Variants in INTS6L observed in about 807,000 individuals in gnomAD.
INTS6L encodes the protein integrator complex subunit 6 like.
A neutral mutation model predicts 64.7 loss-of-function variants in INTS6L; 18 were observed. The ratio of observed to expected loss-of-function variants is 0.28; its 90% CI spans 0.19 to 0.41. INTS6L has a LOEUF of 0.41. INTS6L is among the 10% of genes least tolerant of loss of function. The probability of loss-of-function intolerance (pLI) is 1.00; values close to 1 mark genes in which losing one functional copy is unlikely to be tolerated. For synonymous variants in INTS6L, 227 were observed against 235.9 expected (o/e 0.96, Z 0.34); for missense variants, 533 against 661.0 (o/e 0.81, Z 2.12).
At position 135,581,659 on chromosome X, in the gene INTS6L, A is replaced by G. The variant is rs191722023; in HGVS notation, c.*23A>G. On this transcript the variant is annotated 3_prime_UTR_variant, in exon 18 of 18. Transcript: ENST00000639893. Reference sequence around the variant, plus strand: ...TAGTGCAAAGACCAGTGAGAAAAAAATGACAAGTTTTCTGTGCTGTAGGAT... The same window carrying G: ...TAGTGCAAAGACCAGTGAGAAAAAAGTGACAAGTTTTCTGTGCTGTAGGAT... 2 of 1,155,027 alleles carry G rather than the reference A, an allele frequency of 1.7e-6. No homozygotes were observed. Among genetic ancestry groups the G allele is most frequent in the Admixed American group, 2.2e-5 (1 of 45,489 alleles).
chrX:135,543,385 A>T (rs974198042), intron 2 of INTS6L, among the ~76,000 whole-genome samples: 16 of 110,730 alleles, frequency 1.4e-4, no homozygotes, highest in Admixed American at 3.8e-4. Context: ...CTATCCTTTT[A>T]TCTGTTCTCT....
At chrX:135,573,701 G>T (rs1277356351) in intron 12 of INTS6L, among the ~76,000 whole-genome samples, 2 of 112,281 alleles carry the variant, frequency 1.8e-5, no homozygotes, top group Non-Finnish European at 3.8e-5. Flanking sequence ...TCAATCTCGG[G>T]ATTTGGTGTT....
intron 2 of INTS6L, among the ~76,000 whole-genome samples, chrX:135,532,119 A>G (rs782594781): frequency 1.2e-4 from 14 of 112,338 alleles, no homozygotes; most frequent in Non-Finnish European, 2.3e-4. Context: ...AGTTGCCTGG[A>G]GGCACTGCTG....
intron 2 of INTS6L, among the ~76,000 whole-genome samples, chrX:135,530,461 T>C (rs1017825653): frequency 8.9e-6 from 1 of 111,890 alleles, no homozygotes; most frequent in Non-Finnish European, 1.9e-5. Flanking sequence ...GGCTATTTAT[T>C]AATAATAGCC....
chrX:135,538,145 A>G (rs2086103994), intron 2 of INTS6L, among the ~76,000 whole-genome samples: 1 of 112,315 alleles, frequency 8.9e-6, no homozygotes, highest in Admixed American at 9.4e-5. Flanking sequence ...TTTTCTCTGA[A>G]GCATGCAGTG....
chrX:135,528,828 G>T, intron 2 of INTS6L, among the ~76,000 whole-genome samples: 1 of 106,838 alleles, frequency 9.4e-6, no homozygotes, highest in Non-Finnish European at 1.9e-5. Flanking sequence ...TGTTTCTGAA[G>T]GAGGATCCTT....
At chrX:135,542,908 C>G (rs1471039502) in intron 2 of INTS6L, among the ~76,000 whole-genome samples, 1 of 111,983 alleles carries the variant, frequency 8.9e-6, no homozygotes, top group Non-Finnish European at 1.9e-5. Flanking sequence ...CCACCATTTA[C>G]AAGTTTGCCA....
chrX:135,558,819 T>C (rs2086709700), intron 9 of INTS6L, among the ~76,000 whole-genome samples: 1 of 104,022 alleles, frequency 9.6e-6, no homozygotes. Flanking sequence ...AGAGTGTCTC[T>C]CTGTCACCCA....
chrX:135,535,956 A>T (rs1178823969), intron 2 of INTS6L, among the ~76,000 whole-genome samples: 3 of 112,535 alleles, frequency 2.7e-5, no homozygotes, highest in Admixed American at 1.9e-4. Context: ...GGAAAGCAAC[A>T]TGCATTGGCT....
chrX:135,531,914 G>A (rs1281347981), intron 2 of INTS6L, among the ~76,000 whole-genome samples: 8 of 111,797 alleles, frequency 7.2e-5, no homozygotes, highest in African/African-American at 9.8e-5. Flanking sequence ...AAGGCCTGGG[G>A]GAGGAGAGGA....
In INTS6L at chrX:135,545,504, G is replaced by C; in HGVS notation, c.271G>C (p.Ala91Pro). 8.3e-7 allele frequency: 1 copy of C among 1,210,123 alleles called. No individual in the cohort carries two copies. Among genetic ancestry groups the C allele is most frequent in the Non-Finnish European group, 1.1e-6 (1 of 894,686 alleles). Residue 91 changes from alanine (A) to proline (P), a missense_variant, in exon 3 of 18, where the codon GCT becomes CCT. Ala to Pro is a conservative substitution (Grantham distance 27, BLOSUM62 -1). Transcript: ENST00000639893. ...TTCTGGACTGACTACTCTCGGTCAG[G>C]CTCTAAGATCCTCATTTGATTTGTT... ...QASGLTTLGQALRSSFDLLNL... is the reference protein window; with the variant it reads ...QASGLTTLGQPLRSSFDLLNL...
At chrX:135,524,220 G>A (rs2085668392) in intron 2 of INTS6L, among the ~76,000 whole-genome samples, 1 of 110,946 alleles carries the variant, frequency 9.0e-6, no homozygotes, top group Admixed American at 9.6e-5. Context: ...AGAACATCTG[G>A]TGATTTTTTT....
chrX:135,553,467 G>A (rs1216994941), intron 8 of INTS6L, among the ~76,000 whole-genome samples: 1 of 105,527 alleles, frequency 9.5e-6, no homozygotes, highest in Non-Finnish European at 2.0e-5. Context: ...CACAATTCCT[G>A]GCTAATTTTT....
intron 6 of INTS6L, 101 bp from the exon 7 acceptor site, chrX:135,549,541 T>G: frequency 1.1e-6 from 1 of 933,525 alleles, no homozygotes; most frequent in Non-Finnish European, 1.5e-6. Flanking sequence ...ATTGTTCTTG[T>G]TTTATTTTGG....
intron 2 of INTS6L, among the ~76,000 whole-genome samples, chrX:135,532,086 T>C (rs1273992226): frequency 8.9e-6 from 1 of 112,070 alleles, no homozygotes; most frequent in Non-Finnish European, 1.9e-5. Context: ...TAGACCAAAA[T>C]GGTTTCATTT....
chrX:135,576,065 G>A lies in INTS6L; in HGVS notation c.1884+839G>A, dbSNP rs781857759. ...AACTATGCTGGACGAGGTGGCTCAC[G>A]CCTGTAATCCCAGCACACTGGGAGG... is the stretch of plus-strand genomic sequence containing the variant. On this transcript the variant is annotated intron_variant, in intron 14 of 17. Transcript: ENST00000639893. Among the ~76,000 whole-genome samples the A allele has an allele frequency of 1.7e-4, 19 of 111,806 alleles. No individual in the cohort carries two copies. In the Admixed American group the frequency reaches 1.7e-3, roughly 10 times the overall value.
chrX:135,524,613 G>A (rs1183339333), intron 2 of INTS6L, among the ~76,000 whole-genome samples: 1 of 111,330 alleles, frequency 9.0e-6, no homozygotes, highest in Non-Finnish European at 1.9e-5. Context: ...ACAGACATGA[G>A]TTGTGCATTT....
chrX:135,521,360 C>A (rs782336331), intron 2 of INTS6L, 42 bp downstream of exon 2: 3 of 1,153,072 alleles, frequency 2.6e-6, no homozygotes, highest in African/African-American at 1.8e-5. Flanking sequence ...GAAGCGGGAG[C>A]AAGTCGGCGG....
intron 2 of INTS6L, among the ~76,000 whole-genome samples, chrX:135,526,830 AAAG>A (rs1279588127): frequency 1.8e-5 from 2 of 111,707 alleles, no homozygotes; most frequent in Admixed American, 1.9e-4. Context: ...GTTAAGTGTC[AAAG>A]CTACTCATTT....
Sources: gnomAD v4.1 joint callset for allele counts (sites outside exome capture counted in the v4.1 genomes callset) on GRCh38, gnomAD v4.1.1 for gene constraint, MANE v1.5 for transcripts, NCBI Gene and HGNC (gene_info 2026-07-23, HGNC 2026-07-21) for gene names.